The following LRRC4C variants were observed in gnomAD, a reference collection of about 807,000 sequenced individuals.
LRRC4C encodes the protein leucine-rich repeat-containing protein 4C.
A neutral mutation model predicts 33.6 loss-of-function variants in LRRC4C; 5 were observed. That is an observed-to-expected ratio of 0.15 (90% CI 0.08 to 0.31). The LOEUF (loss-of-function observed/expected upper bound fraction) is 0.31, where lower values mean the gene tolerates loss of function less well. LRRC4C is among the 10% of genes least tolerant of loss of function. LRRC4C has a pLI of 1.00. For missense variants in LRRC4C, 560 were observed against 796.7 expected (o/e 0.70, Z 3.58); for synonymous variants, 329 against 302.0 (o/e 1.09, Z -0.93).
intron 2 of LRRC4C, among the ~76,000 whole-genome samples, chr11:40,761,982 A>G (rs537193273): frequency 6.6e-6 from 1 of 152,292 alleles, no homozygotes; most frequent in African/African-American, 2.4e-5. Flanking sequence ...TCTGTAGGTT[A>G]CCAATAAGGT....
chr11:40,472,494 C>G (rs112893845), intron 3 of LRRC4C, among the ~76,000 whole-genome samples: 16,642 of 100,100 alleles, frequency 0.17, 1,162 homozygotes, highest in East Asian at 0.29. Flanking sequence ...ACTAAATGCC[C>G]ACAGGAGAAA....
At chr11:41,114,085 T>C (rs1941990499) in intron 1 of LRRC4C, among the ~76,000 whole-genome samples, 1 of 152,046 alleles carries the variant, frequency 6.6e-6, no homozygotes, top group Non-Finnish European at 1.5e-5. Flanking sequence ...CTCGAAAATA[T>C]AACAATTATT....
chr11:40,601,826 G>T (rs2861990), intron 3 of LRRC4C, among the ~76,000 whole-genome samples: 65,649 of 151,800 alleles, frequency 0.43, 15,281 homozygotes, highest in Middle Eastern at 0.57. Context: ...TTATTTTATT[G>T]CACTGCACCC....
chr11:40,172,758 C>T (rs963578313), intron 5 of LRRC4C, among the ~76,000 whole-genome samples: 4 of 152,064 alleles, frequency 2.6e-5, no homozygotes, highest in East Asian at 1.9e-4. Flanking sequence ...CCATCACTCT[C>T]GATTCATAAT....
At chr11:40,244,267 ATCTC>A (rs1164660483) in intron 4 of LRRC4C, among the ~76,000 whole-genome samples, 2 of 151,982 alleles carry the variant, frequency 1.3e-5, no homozygotes, top group African/African-American at 4.8e-5. Flanking sequence ...AAGCCTCAAG[ATCTC>A]TCTGAGAACC....
At chr11:40,215,255 A>G (rs1863892843) in intron 5 of LRRC4C, among the ~76,000 whole-genome samples, 1 of 152,146 alleles carries the variant, frequency 6.6e-6, no homozygotes, top group South Asian at 2.1e-4. Flanking sequence ...TCCACTTTAC[A>G]GATGAGAAAG....
chr11:41,021,955 T>C (rs1012596542), intron 1 of LRRC4C, among the ~76,000 whole-genome samples: 26 of 151,934 alleles, frequency 1.7e-4, no homozygotes, highest in African/African-American at 6.0e-4. Flanking sequence ...ATTGAAATTT[T>C]TGAAAGAAAA....
In LRRC4C at chr11:41,307,363, T is replaced by C. The variant is rs894471217; in HGVS notation, c.-496+152068A>G. Among the ~76,000 whole-genome samples, 6 of 152,146 alleles carry C rather than the reference T, an allele frequency of 3.9e-5. 1 individual carries two copies. Among genetic ancestry groups the C allele is most frequent in the Admixed American group, 3.3e-4 (5 of 15,262 alleles). ...ACGTCAGGAGCCCTATAAAAAATGC[T>C]TTCTTGTCTTCCATAGTGGAAGAAG... On this transcript the variant is annotated intron_variant, in intron 1 of 6. Transcript: ENST00000528697.
chr11:40,350,825 T>C (rs938595173), intron 3 of LRRC4C, among the ~76,000 whole-genome samples: 7 of 152,030 alleles, frequency 4.6e-5, no homozygotes, highest in African/African-American at 1.4e-4. Flanking sequence ...TGGTTAATTT[T>C]TAAGTATTTT....
At chr11:40,841,751 A>G (rs756229172) in intron 2 of LRRC4C, among the ~76,000 whole-genome samples, 4 of 152,214 alleles carry the variant, frequency 2.6e-5, no homozygotes, top group Non-Finnish European at 5.9e-5. Context: ...AATACTGGAC[A>G]TAATTAAGTT....
intron 5 of LRRC4C, among the ~76,000 whole-genome samples, chr11:40,199,050 A>C (rs59502485): frequency 0.012 from 1,808 of 152,186 alleles, 42 homozygotes; most frequent in South Asian, 0.082. Context: ...AGTTGAGGGC[A>C]AAGGGTTATT....
At chr11:40,459,724 G>T (rs1021350328) in intron 3 of LRRC4C, among the ~76,000 whole-genome samples, 1 of 152,152 alleles carries the variant, frequency 6.6e-6, no homozygotes, top group African/African-American at 2.4e-5. Context: ...CTCTATTTGG[G>T]AGTCTGAATT....
intron 1 of LRRC4C, among the ~76,000 whole-genome samples, chr11:41,443,089 A>ATTTTTTTTTTTTTTTTTTTTT: frequency 1.9e-5 from 2 of 105,992 alleles, no homozygotes; most frequent in Non-Finnish European, 3.5e-5. Context: ...TGTTTGCTTC[A>ATTTTTTTTTTTTTTTTTTTTT]TTTTTTTTTT....
chr11:40,248,906 G>A (rs1274836111), intron 4 of LRRC4C, among the ~76,000 whole-genome samples: 1 of 152,112 alleles, frequency 6.6e-6, no homozygotes, highest in Non-Finnish European at 1.5e-5. Context: ...AGGTAAAACT[G>A]TCCCTAGTTG....
At chr11:40,195,007 C>T (rs560058606) in intron 5 of LRRC4C, among the ~76,000 whole-genome samples, 8 of 151,730 alleles carry the variant, frequency 5.3e-5, no homozygotes, top group Admixed American at 6.6e-5. Context: ...AGGAGAATTG[C>T]GTGAACCCGG....
At chr11:40,868,550 G>A (rs976901472) in intron 2 of LRRC4C, among the ~76,000 whole-genome samples, 2 of 152,020 alleles carry the variant, frequency 1.3e-5, no homozygotes, top group Non-Finnish European at 2.9e-5. Context: ...ACCCAAAACA[G>A]TACTCTAGAT....
At chr11:40,619,921 GTTA>G (rs146209869) in intron 3 of LRRC4C, among the ~76,000 whole-genome samples, 64,675 of 150,588 alleles carry the variant, frequency 0.43, 14,885 homozygotes, top group Middle Eastern at 0.56. Flanking sequence ...TTTGTTGGTG[GTTA>G]TTATTCATTG....
intron 2 of LRRC4C, among the ~76,000 whole-genome samples, chr11:40,820,335 TC>T (rs1033126245): frequency 2.0e-5 from 3 of 151,962 alleles, no homozygotes; most frequent in African/African-American, 7.2e-5. Context: ...ACATATTTTT[TC>T]AGAAATGAAA....
intron 1 of LRRC4C, among the ~76,000 whole-genome samples, chr11:41,212,817 A>G (rs1251414784): frequency 6.6e-6 from 1 of 152,230 alleles, no homozygotes; most frequent in Non-Finnish European, 1.5e-5. Context: ...ATAGTATTCC[A>G]TGGTGTATAT....
Sources: allele counts gnomAD v4.1 joint callset (sites outside exome capture counted in the v4.1 genomes callset), GRCh38; gene constraint gnomAD v4.1.1; transcripts MANE v1.5; gene names NCBI Gene and HGNC (gene_info 2026-07-23, HGNC 2026-07-21).